Variants in ANO4 observed in about 807,000 individuals in gnomAD.
ANO4 encodes anoctamin-4.
A neutral mutation model predicts 141.9 loss-of-function variants in ANO4; 69 were observed. The ratio of observed to expected loss-of-function variants is 0.49; its 90% CI spans 0.40 to 0.59. ANO4 has a LOEUF of 0.59. Among genes scored for constraint, ANO4 ranks in the 20% least tolerant of loss-of-function variants. ANO4 has a pLI of 0.00. For synonymous variants in ANO4, 350 were observed against 394.3 expected (o/e 0.89, Z 1.33); for missense variants, 894 against 1,162.2 (o/e 0.77, Z 3.36).
intron 2 of ANO4, among the ~76,000 whole-genome samples, chr12:100,906,757 G>A (rs2040861155): frequency 6.6e-6 from 1 of 152,196 alleles, no homozygotes; most frequent in Non-Finnish European, 1.5e-5. Context: ...AACAACTTGA[G>A]ATTCAAGGCT....
chr12:100,903,258 C>T (rs1178392354), intron 2 of ANO4, among the ~76,000 whole-genome samples: 1 of 152,162 alleles, frequency 6.6e-6, no homozygotes, highest in Non-Finnish European at 1.5e-5. Context: ...GTTTCCCAAA[C>T]ACTGTTCCCT....
chr12:101,027,104 C>T (rs961555765), intron 9 of ANO4, among the ~76,000 whole-genome samples: 2 of 152,076 alleles, frequency 1.3e-5, no homozygotes, highest in African/African-American at 4.8e-5. Context: ...CAGTGTGGTG[C>T]GGCAGCCCGT....
At chr12:100,871,285 G>C (rs10860650) in intron 1 of ANO4, among the ~76,000 whole-genome samples, 7,185 of 152,222 alleles carry the variant, frequency 0.047, 226 homozygotes, top group Middle Eastern at 0.095. Flanking sequence ...TTCCAAAATA[G>C]ATAGCAGTTT....
At chr12:100,744,548 A>G (rs571477643) in intron 3 of ANO4, among the ~76,000 whole-genome samples, 2 of 152,184 alleles carry the variant, frequency 1.3e-5, no homozygotes, top group African/African-American at 4.8e-5. Context: ...CAAAGTCCCT[A>G]CCTTCAAATG....
At chr12:100,856,669 G>C (rs553660559) in intron 1 of ANO4, among the ~76,000 whole-genome samples, 122 of 152,242 alleles carry the variant, frequency 8.0e-4, no homozygotes, top group African/African-American at 2.8e-3. Context: ...GAAGAAGCTT[G>C]CCAGGTATAC....
rs1221339995 is a variant in ANO4 at position 101,121,723 on chromosome 12, A to G, written c.2676+1098A>G. ...GTGTGCAGGTGTCCCCTTTTCTCTGAAGCCTCGCCAGCATCTGTTAATTTG... is the reference window on the plus strand; with the variant it reads ...GTGTGCAGGTGTCCCCTTTTCTCTGGAGCCTCGCCAGCATCTGTTAATTTG... On this transcript the variant is annotated intron_variant, in intron 26 of 27. Coordinates refer to ENST00000392977, the MANE Select transcript of ANO4 (RefSeq NM_001286615.2). Among the ~76,000 whole-genome samples the G allele has an allele frequency of 2.0e-5, 3 of 149,660 alleles. No homozygotes were observed. In the East Asian group the frequency reaches 5.9e-4, roughly 29 times the overall value.
chr12:101,078,715 A>T (rs189954111), intron 14 of ANO4, among the ~76,000 whole-genome samples: 1 of 152,348 alleles, frequency 6.6e-6, no homozygotes, highest in East Asian at 1.9e-4. Flanking sequence ...AAGGGACAGG[A>T]AATCACTATC....
intron 1 of ANO4, among the ~76,000 whole-genome samples, chr12:100,892,938 A>G (rs751162100): frequency 6.6e-6 from 1 of 152,154 alleles, no homozygotes; most frequent in Non-Finnish European, 1.5e-5. Context: ...AACTATTTAC[A>G]TTAATGTCTA....
chr12:100,987,727 C>T, intron 8 of ANO4, 57 bp downstream of exon 8: 2 of 1,595,854 alleles, frequency 1.3e-6, no homozygotes, highest in South Asian at 1.1e-5. Flanking sequence ...GTGGTAGAGC[C>T]TCACCCTGCA....
intron 3 of ANO4, among the ~76,000 whole-genome samples, chr12:100,785,934 G>T (rs2033861471): frequency 6.6e-6 from 1 of 152,190 alleles, no homozygotes; most frequent in Non-Finnish European, 1.5e-5. Context: ...CTATAAAGGT[G>T]TAGAATGTTC....
Position 100,912,752 on chromosome 12 carries a change from A to G in ANO4, c.56-9474A>G, listed in dbSNP as rs185648727. ...ACAGAACTGAAGCGTGGATGAGATA[A>G]TCAGTCTTCCTATTTGTGAATGGAT... On this transcript the variant is annotated intron_variant, in intron 2 of 27. Coordinates refer to ENST00000392977, the MANE Select transcript of ANO4 (RefSeq NM_001286615.2). Among the ~76,000 whole-genome samples, 3 of 152,318 alleles carry G rather than the reference A, an allele frequency of 2.0e-5. No individual in the cohort carries two copies. In the East Asian group the frequency reaches 5.8e-4, roughly 29 times the overall value.
At chr12:100,778,016 T>C (rs1439916609) in intron 3 of ANO4, among the ~76,000 whole-genome samples, 2 of 150,034 alleles carry the variant, frequency 1.3e-5, no homozygotes, top group African/African-American at 4.9e-5. Context: ...GCCTCCCGGG[T>C]TCACACCATT....
At chr12:100,793,115 A>C (rs764391223), upstream of ANO4, among the ~76,000 whole-genome samples, 24 of 152,214 alleles carry the variant, frequency 1.6e-4, no homozygotes, top group Non-Finnish European at 2.6e-4. Flanking sequence ...AAGAAGATTT[A>C]AATTTGTCCA....
At chr12:101,094,360 T>C in intron 18 of ANO4, 68 bp downstream of exon 18, 1 of 1,313,620 alleles carries the variant, frequency 7.6e-7, no homozygotes, top group South Asian at 1.4e-5. Flanking sequence ...AAAGATTCCT[T>C]TCTCTAATAC....
At chr12:100,749,053 CA>C (rs1228840560) in intron 3 of ANO4, among the ~76,000 whole-genome samples, 1 of 152,058 alleles carries the variant, frequency 6.6e-6, no homozygotes, top group South Asian at 2.1e-4. Flanking sequence ...GAAGATGTCA[CA>C]GTGGAAGGGA....
intron 1 of ANO4, among the ~76,000 whole-genome samples, chr12:100,883,354 G>A (rs1160010026): frequency 6.6e-6 from 1 of 152,208 alleles, no homozygotes; most frequent in Non-Finnish European, 1.5e-5. Context: ...TGTCATGACT[G>A]TTTAACTCTG....
intron 1 of ANO4, among the ~76,000 whole-genome samples, chr12:100,861,919 A>G (rs1031148225): frequency 8.5e-5 from 13 of 152,176 alleles, no homozygotes; most frequent in Non-Finnish European, 1.5e-5. Context: ...GGTGAGGAAC[A>G]TTAGTATCAC....
intron 22 of ANO4, among the ~76,000 whole-genome samples, chr12:101,104,615 GTATGTA>G (rs749019995): frequency 0.13 from 8,460 of 66,010 alleles, 412 homozygotes; most frequent in Admixed American, 0.18. Flanking sequence ...GTGTGTGTGT[GTATGTA>G]TGTGTGTATA....
chr12:100,779,974 A>G (rs961361174), intron 3 of ANO4, among the ~76,000 whole-genome samples: 5 of 152,192 alleles, frequency 3.3e-5, no homozygotes, highest in African/African-American at 1.2e-4. Context: ...TACAAATTCA[A>G]AAACCTAGTT....
Sources: gnomAD v4.1 joint callset for allele counts (sites outside exome capture counted in the v4.1 genomes callset) on GRCh38, gnomAD v4.1.1 for gene constraint, MANE v1.5 for transcripts, NCBI Gene and HGNC (gene_info 2026-07-23, HGNC 2026-07-21) for gene names.